GPSM2: variants seen among roughly 807,000 people sequenced by gnomAD.
GPSM2 encodes the protein G protein signaling modulator 2.
In GPSM2, 58 loss-of-function variants were observed where a neutral mutation model predicts 78.4. The observed-to-expected ratio is 0.74, with a 90% CI of 0.60 to 0.92. The LOEUF (loss-of-function observed/expected upper bound fraction) is 0.92, where lower values mean the gene tolerates loss of function less well. GPSM2 is among the 40% of genes least tolerant of loss of function. GPSM2 has a pLI of 0.00. For synonymous variants in GPSM2, 224 were observed against 280.2 expected, an observed-to-expected ratio of 0.80 and a Z score of 2.00; for missense variants, 700 against 815.5, an observed-to-expected ratio of 0.86 and a Z score of 1.73.
chr1:108,910,780 T>C (rs1649669282), intron 10 of GPSM2, among the ~76,000 whole-genome samples: 1 of 151,840 alleles, frequency 6.6e-6, no homozygotes, highest in African/African-American at 2.4e-5. Context: ...GGAGAATCAC[T>C]TGAACCTAGG....
At chr1:108,882,105 C>G (rs1557852500) in intron 1 of GPSM2, among the ~76,000 whole-genome samples, 1 of 152,126 alleles carries the variant, frequency 6.6e-6, no homozygotes, top group Non-Finnish European at 1.5e-5. Flanking sequence ...TCACAGGCCA[C>G]CACACCTGGC....
At chr1:108,878,452 T>A (rs2101279931) in intron 1 of GPSM2, among the ~76,000 whole-genome samples, 1 of 152,316 alleles carries the variant, frequency 6.6e-6, no homozygotes, top group Admixed American at 6.5e-5. Flanking sequence ...AGATAAGCAG[T>A]TTAATTGTAT....
At chr1:108,912,098 G>A (rs1447075462) in intron 10 of GPSM2, among the ~76,000 whole-genome samples, 2 of 152,086 alleles carry the variant, frequency 1.3e-5, no homozygotes, top group South Asian at 2.1e-4. Context: ...ATGCACCACC[G>A]TGCCCGGCTG....
chr1:108,893,036 C>T (rs866658966), intron 2 of GPSM2, among the ~76,000 whole-genome samples: 16 of 152,286 alleles, frequency 1.1e-4, no homozygotes, highest in Middle Eastern at 6.8e-3. Context: ...AGTATTGTTT[C>T]TTATGACAAT....
chr1:108,917,987 GACTT>G (rs879056708), intron 11 of GPSM2, among the ~76,000 whole-genome samples: 1 of 151,962 alleles, frequency 6.6e-6, no homozygotes, highest in African/African-American at 2.4e-5. Flanking sequence ...TGAACCTTTA[GACTT>G]ACTTGTAAAC....
At chr1:108,929,288 C>T (rs1369824390) in intron 14 of GPSM2, among the ~76,000 whole-genome samples, 2 of 152,150 alleles carry the variant, frequency 1.3e-5, no homozygotes, top group Non-Finnish European at 2.9e-5. Flanking sequence ...GGTAGTTCCT[C>T]ATGGGGTTTG....
chr1:108,891,135 G>T (rs1053127668), intron 2 of GPSM2, among the ~76,000 whole-genome samples: 3 of 152,128 alleles, frequency 2.0e-5, no homozygotes, highest in Admixed American at 6.5e-5. Context: ...TGGATACATT[G>T]GGTTTGTTAC....
Position 108,929,843 on chromosome 1 carries a change from A to C in GPSM2, c.1958A>C (p.Asp653Ala). Residue 653 changes from aspartate (D) to alanine (A), a missense_variant, in exon 15 of 15, where the codon GAT (aspartate) becomes GCT (alanine). Asp to Ala is a moderately radical substitution (Grantham distance 126). Coordinates refer to ENST00000264126, the MANE Select transcript of GPSM2 (RefSeq NM_013296.5). ...MDEQRVLLQR[D>A]QNRDTDFGLK... ...GAACAGAGAGTTCTTTTACAAAGAG[A>C]TCAAAACAGAGACACTGACTTTGGG... The C allele has an allele frequency of 1.2e-6, 2 of 1,614,090 alleles. No individual in the cohort carries two copies. Among genetic ancestry groups the C allele is most frequent in the African/African-American group, 2.7e-5 (2 of 75,040 alleles).
At chr1:108,879,543 A>G (rs1665793003) in intron 1 of GPSM2, among the ~76,000 whole-genome samples, 1 of 152,226 alleles carries the variant, frequency 6.6e-6, no homozygotes, top group Non-Finnish European at 1.5e-5. Flanking sequence ...TTGTGTAAAT[A>G]AAAGGCTGAG....
In GPSM2 at chr1:108,917,651, T is replaced by C. The variant is rs1400406338; in HGVS notation, c.1264-962T>C. Among the ~76,000 whole-genome samples the C allele has an allele frequency of 4.0e-4, 20 of 49,766 alleles. 2 individuals are homozygous for C. The highest frequency in any genetic ancestry group is 8.5e-4 in the Admixed American group (4 of 4,692). The allele number at this position is 49,766 out of a possible 152,430, so 32.6% of individuals were successfully genotyped here. On this transcript the variant is annotated intron_variant, in intron 11 of 14. Coordinates refer to ENST00000264126, the MANE Select transcript of GPSM2 (RefSeq NM_013296.5). ...ATATATATATATATATATATATATA[T>C]ATATATATATATATAAATGAGTTCT...
chr1:108,905,381 T>A (rs1303756486), intron 10 of GPSM2, among the ~76,000 whole-genome samples: 1 of 152,228 alleles, frequency 6.6e-6, no homozygotes, highest in Non-Finnish European at 1.5e-5. Context: ...CTTTCTCTCT[T>A]CAACCCATTC....
intron 14 of GPSM2, among the ~76,000 whole-genome samples, chr1:108,928,947 C>T (rs1321869875): frequency 6.6e-6 from 1 of 150,766 alleles, no homozygotes; most frequent in Non-Finnish European, 1.5e-5. Context: ...CAGGATCACA[C>T]CACTGCAGTC....
In GPSM2 at chr1:108,886,304, G is replaced by A. The variant is rs551383283; in HGVS notation, c.56+726G>A. ...CATTATTATTAAAATACAAACAAGC[G>A]CTGTTCAAAAGAAATGTCATTTTTA... On this transcript the variant is annotated intron_variant, in intron 2 of 14. Transcript: ENST00000264126. Among the ~76,000 whole-genome samples the A allele has an allele frequency of 4.6e-5, 7 of 152,248 alleles. No homozygotes were observed. In the South Asian group the frequency reaches 6.2e-4, roughly 14 times the overall value.
At position 108,930,291 on chromosome 1, in the gene GPSM2, C is replaced by CA. The variant is rs1651705369; in HGVS notation, c.*353dup. On this transcript the variant is annotated 3_prime_UTR_variant, in exon 15 of 15. Transcript: ENST00000264126. Reference sequence around the variant, plus strand: ...AATAATTTTTTAACATCTTAATTGACAATGGCGTTTTTTTATACATAACCA... The same window carrying CA: ...AATAATTTTTTAACATCTTAATTGACAAATGGCGTTTTTTTATACATAACCA... 1 of 195,478 alleles carries CA rather than the reference C, an allele frequency of 5.1e-6. No individual in the cohort carries two copies. Among genetic ancestry groups the CA allele is most frequent in the African/African-American group, 2.3e-5 (1 of 42,676 alleles). The allele number at this position is 195,478 out of a possible 1,614,324, so 12.1% of individuals were successfully genotyped here.
chr1:108,919,943 A>G (rs1475983396), intron 12 of GPSM2, among the ~76,000 whole-genome samples: 5 of 152,016 alleles, frequency 3.3e-5, no homozygotes, highest in Non-Finnish European at 5.9e-5. Flanking sequence ...AGGTGGGTAG[A>G]TCTCCTGAAT....
chr1:108,904,155 C>T lies in GPSM2; in HGVS notation c.1093C>T (p.Arg365Ter), dbSNP rs367682612. ...VGDKSGELTA[R>*]LNLSDLQMVL... ...GGATAAAAGTGGTGAACTAACAGCA[C>T]GACTTAATCTCTCAGACCTTCAAAT... is the stretch of plus-strand genomic sequence containing the variant. The change falls in exon 10 of 15, where the codon CGA becomes TGA. Residue 365 changes from arginine (R) to a stop codon, truncating the protein, a stop_gained. Coordinates refer to ENST00000264126, the MANE Select transcript of GPSM2 (RefSeq NM_013296.5). LOFTEE classifies it high-confidence loss of function. 1.9e-5 allele frequency: 30 copies of T among 1,599,602 alleles called. No individual in the cohort carries two copies. The highest frequency in any genetic ancestry group is 2.2e-5 in the Non-Finnish European group (26 of 1,167,524).
intron 1 of GPSM2, among the ~76,000 whole-genome samples, chr1:108,883,126 G>A (rs1422305955): frequency 6.6e-6 from 1 of 152,214 alleles, no homozygotes; most frequent in Non-Finnish European, 1.5e-5. Context: ...CAAGGGAAGA[G>A]ATAAGAGGAG....
At position 108,931,582 on chromosome 1, in the gene GPSM2, T is replaced by G; in HGVS notation, c.*1642T>G. On this transcript the variant is annotated 3_prime_UTR_variant, in exon 15 of 15. Coordinates refer to ENST00000264126, the MANE Select transcript of GPSM2 (RefSeq NM_013296.5). ...AGAACTATTTCTCTAATGGCCAATGTTTTTTAAGAGTCATAACCTGGAATT... is the reference window on the plus strand; with the variant it reads ...AGAACTATTTCTCTAATGGCCAATGGTTTTTAAGAGTCATAACCTGGAATT... 12 of 1,434,988 alleles carry G rather than the reference T, an allele frequency of 8.4e-6. No individual in the cohort carries two copies. The highest frequency in any genetic ancestry group is 1.1e-5 in the Non-Finnish European group (12 of 1,084,086). 88.9% of individuals were successfully genotyped at this position (1,434,988 alleles called of 1,614,324 possible).
At chr1:108,894,334 A>T (rs1190240232) in intron 2 of GPSM2, among the ~76,000 whole-genome samples, 4 of 152,198 alleles carry the variant, frequency 2.6e-5, no homozygotes, top group African/African-American at 9.6e-5. Context: ...TCCTGTATCT[A>T]ATTGGCTTGT....
Sources: allele counts gnomAD v4.1 joint callset (sites outside exome capture counted in the v4.1 genomes callset), GRCh38; gene constraint gnomAD v4.1.1; transcripts MANE v1.5; gene names NCBI Gene and HGNC (gene_info 2026-07-23, HGNC 2026-07-21).